TP53INP1: variants seen among roughly 807,000 people sequenced by gnomAD.
The protein encoded by TP53INP1 is tumor protein p53-inducible nuclear protein 1.
Under a neutral mutation model 21.0 loss-of-function variants are expected in TP53INP1, and 12 were observed. The observed-to-expected ratio is 0.57, with a 90% CI of 0.37 to 0.93. The LOEUF (loss-of-function observed/expected upper bound fraction) is 0.93, where lower values mean the gene tolerates loss of function less well. Among genes scored for constraint, TP53INP1 ranks in the 40% least tolerant of loss-of-function variants. TP53INP1 has a pLI of 0.01. For missense variants in TP53INP1, 274 were observed against 294.7 expected (o/e 0.93, Z 0.51); for synonymous variants, 91 against 94.8 (o/e 0.96, Z 0.23).
In TP53INP1 at chr8:94,932,033, T is replaced by C. The variant is rs760770345; in HGVS notation, c.474-1305A>G. The C allele has an allele frequency of 9.4e-6, 15 of 1,595,218 alleles. No individual in the cohort carries two copies. In the Middle Eastern group the frequency reaches 2.2e-3, roughly 229 times the overall value. On this transcript the variant is annotated intron_variant, in intron 3 of 3. Transcript: ENST00000342697. ...TTTGGGTCCTTTGCCTCCCTATGCA[T>C]ACATATATCACACAGTCTCAAAGTG...
chr8:94,928,447 TATAAAACATACACACCTTC>T lies in TP53INP1; in HGVS notation c.*2013_*2031del, dbSNP rs1820085661. 6.6e-6 allele frequency: 1 copy of T among 152,498 alleles called. No homozygotes were observed. The highest frequency in any genetic ancestry group is 6.5e-5 in the Admixed American group (1 of 15,270). 9.4% of individuals were successfully genotyped at this position (152,498 alleles called of 1,614,324 possible). A position where few individuals can be genotyped will look rare whatever the true frequency, so the allele number is the denominator to read the frequency against. ...ATGCATGGCCCTATAACAAACATCG[TATAAAACATACACACCTTC>T]ATGGAAACTATCTTATCTCCCAACT... is the stretch of plus-strand genomic sequence containing the variant. On this transcript the variant is annotated 3_prime_UTR_variant, in exon 4 of 4. Coordinates refer to ENST00000342697, the MANE Select transcript of TP53INP1 (RefSeq NM_033285.4).
chr8:94,945,778 G>C (rs1309383620), intron 1 of TP53INP1, among the ~76,000 whole-genome samples: 1 of 152,224 alleles, frequency 6.6e-6, no homozygotes, highest in Non-Finnish European at 1.5e-5. Context: ...CAGCAAAGAG[G>C]TGAAGCAAAG....
At position 94,948,059 on chromosome 8, in the gene TP53INP1, T is replaced by C. The variant is rs903831118; in HGVS notation, c.-151+1095A>G. Among the ~76,000 whole-genome samples the C allele has an allele frequency of 2.8e-4, 43 of 152,306 alleles. 1 individual carries two copies. Among genetic ancestry groups the C allele is most frequent in the African/African-American group, 9.6e-4 (40 of 41,552 alleles). On this transcript the variant is annotated intron_variant, in intron 1 of 3. Coordinates refer to ENST00000342697, the MANE Select transcript of TP53INP1 (RefSeq NM_033285.4). ...CCCCTTTTCCCAAAACTATTGTGCA[T>C]TGAGAAAAGGCTTTTTTAGCAATAG...
At position 94,941,021 on chromosome 8, in the gene TP53INP1, G is replaced by T; in HGVS notation, c.-80C>A. On this transcript the variant is annotated 5_prime_UTR_variant, in exon 2 of 4. Coordinates refer to ENST00000342697, the MANE Select transcript of TP53INP1 (RefSeq NM_033285.4). ...AACCTTGTCTTTAGTTGGCCCAATG[G>T]TACCGACAGGAGATTAAAGTGCACA... The T allele has an allele frequency of 9.8e-7, 1 of 1,018,614 alleles. No individual in the cohort carries two copies. Among genetic ancestry groups the T allele is most frequent in the Non-Finnish European group, 1.5e-6 (1 of 664,654 alleles). 63.1% of individuals were successfully genotyped at this position (1,018,614 alleles called of 1,614,324 possible). A position where few individuals can be genotyped will look rare whatever the true frequency, so the allele number is the denominator to read the frequency against.
chr8:94,933,590 C>A (rs1413426065), intron 3 of TP53INP1, among the ~76,000 whole-genome samples: 3 of 152,010 alleles, frequency 2.0e-5, no homozygotes, highest in African/African-American at 7.2e-5. Context: ...CATGGTGAAA[C>A]CCTGTCTCTA....
At chr8:94,947,545 G>C (rs186690290) in intron 1 of TP53INP1, among the ~76,000 whole-genome samples, 169 of 152,256 alleles carry the variant, frequency 1.1e-3, no homozygotes, top group African/African-American at 3.8e-3. Flanking sequence ...ATGAAGACTA[G>C]ATTCAAGTAA....
intron 1 of TP53INP1, chr8:94,945,769 A>G (rs1217165604): frequency 2.0e-5 from 3 of 152,278 alleles, no homozygotes; most frequent in Admixed American, 6.5e-5. Context: ...TCTGGAATTC[A>G]GCAAAGAGGT....
In TP53INP1 at chr8:94,927,832, A is replaced by G. The variant is rs1820033526; in HGVS notation, c.*2647T>C. The G allele has an allele frequency of 6.6e-6, 1 of 152,604 alleles. No individual in the cohort carries two copies. Among genetic ancestry groups the G allele is most frequent in the Non-Finnish European group, 1.5e-5 (1 of 68,028 alleles). 9.5% of individuals were successfully genotyped at this position (152,604 alleles called of 1,614,324 possible). On this transcript the variant is annotated 3_prime_UTR_variant, in exon 4 of 4. Transcript: ENST00000342697. ...GTTAACAGTTTAGAGCTACTAATTC[A>G]GAGAGGTCTTATTTCTCACTGCTTG...
intron 3 of TP53INP1, among the ~76,000 whole-genome samples, chr8:94,931,698 G>A (rs1343507038): frequency 1.3e-5 from 2 of 152,130 alleles, no homozygotes; most frequent in African/African-American, 4.8e-5. Flanking sequence ...TTTTAGGCCA[G>A]GCGCTGTGGC....
intron 1 of TP53INP1, among the ~76,000 whole-genome samples, chr8:94,946,536 A>G (rs1822006204): frequency 6.6e-6 from 1 of 151,606 alleles, no homozygotes; most frequent in Non-Finnish European, 1.5e-5. Flanking sequence ...CCCCATCTCT[A>G]CAAAAAATAA....
In TP53INP1 at chr8:94,939,896, C is replaced by T. The variant is rs532052124; in HGVS notation, c.437G>A (p.Arg146His). Reference sequence around the variant, plus strand: ...TGGGCTATGTAATTCATCAGTCCCACGGGTGGCCTCACTGAGACCAGGGCA... The same window carrying T: ...TGGGCTATGTAATTCATCAGTCCCATGGGTGGCCTCACTGAGACCAGGGCA... ...NSCPGLSEAT[R>H]GTDELHSPSS... The change falls in exon 3 of 4, where the codon CGT (arginine) becomes CAT (histidine). Residue 146 changes from arginine (R) to histidine (H), a missense_variant. Coordinates refer to ENST00000342697, the MANE Select transcript of TP53INP1 (RefSeq NM_033285.4). The T allele has an allele frequency of 1.0e-4, 167 of 1,613,868 alleles. No homozygotes were observed. The highest frequency in any genetic ancestry group is 3.3e-4 in the Middle Eastern group (2 of 6,028).
In TP53INP1 at chr8:94,931,612, A is replaced by ATAT. The variant is rs1356237037; in HGVS notation, c.474-885_474-884insATA. On this transcript the variant is annotated intron_variant, in intron 3 of 3. Coordinates refer to ENST00000342697, the MANE Select transcript of TP53INP1 (RefSeq NM_033285.4). ...TACACACACACACACACACACACATAAAATTTTTTTAAAGTAGAATTTTAA... is the reference window on the plus strand; with the variant it reads ...TACACACACACACACACACACACATATATAAATTTTTTTAAAGTAGAATTTTAA... Among the ~76,000 whole-genome samples the ATAT allele has an allele frequency of 8.6e-5, 13 of 151,920 alleles. No individual in the cohort carries two copies. The East Asian group carries it at 2.5e-3, about 29-fold the overall frequency.
At position 94,946,696 on chromosome 8, in the gene TP53INP1, C is replaced by CAAAAAAAAAAAAAAAAAAA. The variant is rs71273438; in HGVS notation, c.-151+2439_-151+2457dup. Among the ~76,000 whole-genome samples the CAAAAAAAAAAAAAAAAAAA allele has an allele frequency of 6.1e-4, 21 of 34,688 alleles. 2 individuals carry two copies. The highest frequency in any genetic ancestry group is 2.3e-3 in the South Asian group (1 of 434). 22.8% of individuals were successfully genotyped at this position (34,688 alleles called of 152,430 possible). A position where few individuals can be genotyped will look rare whatever the true frequency, so the allele number is the denominator to read the frequency against. On this transcript the variant is annotated intron_variant, in intron 1 of 3. Coordinates refer to ENST00000342697, the MANE Select transcript of TP53INP1 (RefSeq NM_033285.4). ...TGGTCAACAGAGTAAGACCCTGTCT[C>CAAAAAAAAAAAAAAAAAAA]AAAAAAAAAAAAAAAAAAAAAAAAG...
intron 3 of TP53INP1, among the ~76,000 whole-genome samples, chr8:94,939,037 C>A (rs1821266058): frequency 6.6e-6 from 1 of 152,164 alleles, no homozygotes; most frequent in South Asian, 2.1e-4. Context: ...TGCTGGAGGA[C>A]TGTTTGCCTG....
rs778983519 is a variant in TP53INP1 at position 94,940,111 on chromosome 8, C to T, written c.222G>A (p.Glu74=). 1.1e-5 allele frequency: 18 copies of T among 1,614,072 alleles called. No individual in the cohort carries two copies. In the South Asian group the frequency reaches 2.0e-4, roughly 18 times the overall value. ...AGGAATCACTTGTATCAGCCAAGCACTCAAGAGATGCCGGTAAACAGGAAA... is the reference window on the plus strand; with the variant it reads ...AGGAATCACTTGTATCAGCCAAGCATTCAAGAGATGCCGGTAAACAGGAAA... ...SVFSCLPASL[E]CLADTSDSCF... Residue 74 remains glutamate (E), a synonymous_variant, in exon 3 of 4, where the codon GAG becomes GAA. Coordinates refer to ENST00000342697, the MANE Select transcript of TP53INP1 (RefSeq NM_033285.4).
At chr8:94,933,840 G>GT (rs1005719752) in intron 3 of TP53INP1, among the ~76,000 whole-genome samples, 10 of 148,602 alleles carry the variant, frequency 6.7e-5, no homozygotes, top group South Asian at 2.2e-4. Flanking sequence ...TTTGTGGGGG[G>GT]GGGGGGAGGA....
intron 3 of TP53INP1, among the ~76,000 whole-genome samples, chr8:94,934,455 A>G (rs533478815): frequency 4.0e-4 from 61 of 150,792 alleles, no homozygotes; most frequent in African/African-American, 1.5e-3. Context: ...GCGTGATCTC[A>G]GCTCACTGCA....
rs183276653 is a variant in TP53INP1 at position 94,932,005 on chromosome 8, G to C, written c.474-1277C>G. 2.0e-5 allele frequency: 30 copies of C among 1,487,406 alleles called. No individual in the cohort carries two copies. The East Asian group carries it at 6.7e-4, about 33-fold the overall frequency. 92.1% of individuals were successfully genotyped at this position (1,487,406 alleles called of 1,614,324 possible). A position where few individuals can be genotyped will look rare whatever the true frequency, so the allele number is the denominator to read the frequency against. On this transcript the variant is annotated intron_variant, in intron 3 of 3. Coordinates refer to ENST00000342697, the MANE Select transcript of TP53INP1 (RefSeq NM_033285.4). ...AAAGAAAGTCATTTTTAAAAGGTCAGCATTTGGGTCCTTTGCCTCCCTATG... is the reference window on the plus strand; with the variant it reads ...AAAGAAAGTCATTTTTAAAAGGTCACCATTTGGGTCCTTTGCCTCCCTATG...
chr8:94,931,124 A>G (rs757779476), intron 3 of TP53INP1, among the ~76,000 whole-genome samples: 2 of 152,254 alleles, frequency 1.3e-5, no homozygotes, highest in African/African-American at 2.4e-5. Flanking sequence ...TAATCTTAAA[A>G]GGAAAATATT....
Sources: gnomAD v4.1 joint callset for allele counts (sites outside exome capture counted in the v4.1 genomes callset) on GRCh38, gnomAD v4.1.1 for gene constraint, MANE v1.5 for transcripts, NCBI Gene and HGNC (gene_info 2026-07-23, HGNC 2026-07-21) for gene names.